SORCS2: variants seen among roughly 807,000 people sequenced by gnomAD.
SORCS2 encodes the protein VPS10 domain-containing receptor SorCS2.
Under a neutral mutation model 141.6 loss-of-function variants are expected in SORCS2, and 100 were observed. The ratio of observed to expected loss-of-function variants is 0.71; its 90% CI spans 0.60 to 0.83. SORCS2 has a LOEUF of 0.83. Among genes scored for constraint, SORCS2 ranks in the 40% least tolerant of loss-of-function variants. SORCS2 has a pLI of 0.00. For missense variants in SORCS2, 1,646 were observed against 1,560.2 expected, an observed-to-expected ratio of 1.05 and a Z score of -0.93; for synonymous variants, 789 against 676.9, an observed-to-expected ratio of 1.17 and a Z score of -2.57.
intron 14 of SORCS2, among the ~76,000 whole-genome samples, chr4:7,711,557 G>A (rs950117648): frequency 1.3e-5 from 2 of 152,210 alleles, no homozygotes; most frequent in East Asian, 1.9e-4. Flanking sequence ...CACCTTCTGG[G>A]TGGTCTTTGG....
chr4:7,462,226 G>T (rs151232020), intron 2 of SORCS2, among the ~76,000 whole-genome samples: 2 of 152,202 alleles, frequency 1.3e-5, no homozygotes, highest in Non-Finnish European at 2.9e-5. Context: ...TTCACGCAGG[G>T]ACAGGTGGAT....
At chr4:7,732,261 G>A (rs1031812774) in intron 23 of SORCS2, among the ~76,000 whole-genome samples, 3 of 152,226 alleles carry the variant, frequency 2.0e-5, no homozygotes, top group African/African-American at 4.8e-5. Context: ...CCTCACACCT[G>A]TTAGAATGGC....
At position 7,391,862 on chromosome 4, in the gene SORCS2, A is replaced by G. The variant is rs187060610; in HGVS notation, c.481-4426A>G. On this transcript the variant is annotated intron_variant, in intron 1 of 26. Coordinates refer to ENST00000507866, the MANE Select transcript of SORCS2 (RefSeq NM_020777.3). ...CCAGATCCGCCCTCACTTGCAAGGG[A>G]GGTGGGTGCACAATGGGTGAATAAA... 4.7e-3 allele frequency among the ~76,000 whole-genome samples: 712 copies of G among 152,170 alleles called. 8 individuals carry two copies. Among genetic ancestry groups the G allele is most frequent in the African/African-American group, 0.016 (681 of 41,514 alleles).
intron 23 of SORCS2, 84 bp from the exon 24 acceptor site, chr4:7,733,237 TC>T: frequency 1.7e-6 from 1 of 598,320 alleles, no homozygotes; most frequent in Non-Finnish European, 2.1e-6. Flanking sequence ...CTCACTCCCC[TC>T]CTGGAGGAGG....
At chr4:7,650,917 A>C (rs1721405875) in intron 4 of SORCS2, among the ~76,000 whole-genome samples, 1 of 152,034 alleles carries the variant, frequency 6.6e-6, no homozygotes, top group African/African-American at 2.4e-5. Context: ...CTGGGGTGCA[A>C]AGGATCCCCT....
At chr4:7,472,392 A>G (rs939206153) in intron 2 of SORCS2, among the ~76,000 whole-genome samples, 1 of 152,162 alleles carries the variant, frequency 6.6e-6, no homozygotes, top group African/African-American at 2.4e-5. Flanking sequence ...AGTGGACGGC[A>G]TGTTCCCCGC....
chr4:7,366,037 G>C (rs1721861047), intron 1 of SORCS2, among the ~76,000 whole-genome samples: 1 of 152,204 alleles, frequency 6.6e-6, no homozygotes, highest in Non-Finnish European at 1.5e-5. Context: ...ATTTGTCACA[G>C]TGACATCCGT....
Position 7,484,199 on chromosome 4 carries a change from C to T in SORCS2, c.549-47331C>T, listed in dbSNP as rs114756566. On this transcript the variant is annotated intron_variant, in intron 2 of 26. Transcript: ENST00000507866. ...CTCTCAAAAACCTTCCCACAGCTCG[C>T]GTCCCTGCGCCGGCAGATCGCCGCT... Among the ~76,000 whole-genome samples the T allele has an allele frequency of 8.8e-3, 1,344 of 152,344 alleles. 4 individuals carry two copies. The highest frequency in any genetic ancestry group is 0.015 in the Non-Finnish European group (1,026 of 68,032).
At chr4:7,216,112 G>C (rs1247109505) in intron 1 of SORCS2, among the ~76,000 whole-genome samples, 1 of 152,208 alleles carries the variant, frequency 6.6e-6, no homozygotes, top group Non-Finnish European at 1.5e-5. Context: ...CCTGAAGCCA[G>C]AGAGACCACG....
chr4:7,440,862 G>A (rs545426770), intron 2 of SORCS2, among the ~76,000 whole-genome samples: 2 of 152,310 alleles, frequency 1.3e-5, no homozygotes, highest in African/African-American at 2.4e-5. Context: ...TGGGAGCTGC[G>A]GGGTGAGGGC....
At chr4:7,534,885 A>G (rs28550391) in intron 3 of SORCS2, among the ~76,000 whole-genome samples, 26,289 of 152,254 alleles carry the variant, frequency 0.17, 3,711 homozygotes, top group African/African-American at 0.4. Flanking sequence ...CAGCAGCCAC[A>G]GGAGGCTGAC....
At chr4:7,641,814 A>ATGGATGTG (rs1720750571) in intron 4 of SORCS2, among the ~76,000 whole-genome samples, 1 of 108,234 alleles carries the variant, frequency 9.2e-6, no homozygotes, top group African/African-American at 3.6e-5. Flanking sequence ...GGATGGATGG[A>ATGGATGTG]TGGGTGGGTG....
intron 2 of SORCS2, among the ~76,000 whole-genome samples, chr4:7,405,701 C>A (rs7700137): frequency 6.6e-6 from 1 of 151,938 alleles, no homozygotes; most frequent in Non-Finnish European, 1.5e-5. Context: ...TGGTATCCTG[C>A]AACTTTACTA....
At chr4:7,495,655 C>T (rs1029932607) in intron 2 of SORCS2, among the ~76,000 whole-genome samples, 5 of 152,172 alleles carry the variant, frequency 3.3e-5, no homozygotes, top group Non-Finnish European at 5.9e-5. Context: ...GGGCCATGGA[C>T]GTCAGTCACC....
intron 2 of SORCS2, among the ~76,000 whole-genome samples, chr4:7,408,290 G>A (rs1002349152): frequency 6.6e-6 from 1 of 152,028 alleles, no homozygotes; most frequent in Non-Finnish European, 1.5e-5. Flanking sequence ...ATGCGGGGGT[G>A]GTGAATTCCC....
intron 2 of SORCS2, among the ~76,000 whole-genome samples, chr4:7,418,371 C>T (rs1725828266): frequency 6.6e-6 from 1 of 152,170 alleles, no homozygotes; most frequent in Admixed American, 6.5e-5. Context: ...GCTGGCTGGC[C>T]TGGGGGAAGT....
At chr4:7,488,483 C>T (rs1411274981) in intron 2 of SORCS2, among the ~76,000 whole-genome samples, 1 of 152,234 alleles carries the variant, frequency 6.6e-6, no homozygotes, top group East Asian at 1.9e-4. Context: ...GCCCCCTCTA[C>T]CTGGGCTCGA....
chr4:7,365,374 CGAG>C (rs1450051941), intron 1 of SORCS2, among the ~76,000 whole-genome samples: 2 of 151,708 alleles, frequency 1.3e-5, no homozygotes, highest in African/African-American at 2.4e-5. Context: ...GGGTGTGTGG[CGAG>C]GAGGACCCCT....
intron 1 of SORCS2, among the ~76,000 whole-genome samples, chr4:7,324,431 G>C (rs1243861332): frequency 6.6e-6 from 1 of 152,220 alleles, no homozygotes; most frequent in African/African-American, 2.4e-5. Flanking sequence ...CAACAGGCCG[G>C]GGAAGGGACC....
Sources: allele counts gnomAD v4.1 joint callset (sites outside exome capture counted in the v4.1 genomes callset), GRCh38; gene constraint gnomAD v4.1.1; transcripts MANE v1.5; gene names NCBI Gene and HGNC (gene_info 2026-07-23, HGNC 2026-07-21).